Variants in BABAM2 observed in about 807,000 individuals in gnomAD.
BABAM2 encodes the protein BRISC and BRCA1 A complex member 2, also known as BRISC and BRCA1-A complex member 2.
In BABAM2, 31 loss-of-function variants were observed where a neutral mutation model predicts 54.7. The observed-to-expected ratio is 0.57, with a 90% confidence interval of 0.43 to 0.77. The LOEUF (loss-of-function observed/expected upper bound fraction) is 0.77. BABAM2 is among the 30% of genes least tolerant of loss of function. The pLI is 0.00. For synonymous variants in BABAM2, 167 were observed against 162.9 expected (o/e 1.03, Z -0.19); for missense variants, 364 against 455.8 (o/e 0.80, Z 1.83).
chr2:28,017,578 T>C (rs1426966079), intron 4 of BABAM2, among the ~76,000 whole-genome samples: 1 of 152,210 alleles, frequency 6.6e-6, no homozygotes, highest in East Asian at 1.9e-4. Context: ...GTTGTTTCAG[T>C]ATATCCACAG....
At chr2:27,972,423 A>G (rs938923711) in intron 3 of BABAM2, among the ~76,000 whole-genome samples, 3 of 152,212 alleles carry the variant, frequency 2.0e-5, no homozygotes, top group African/African-American at 7.2e-5. Flanking sequence ...CAGGGAGGAC[A>G]TTTTACATGG....
rs35506654 is a variant in BABAM2 at position 28,115,182 on chromosome 2, A to AACACACAC, written c.571-14053_571-14046dup. Among the ~76,000 whole-genome samples the AACACACAC allele has an allele frequency of 4.0e-3, 566 of 142,334 alleles. 4 individuals carry two copies. The highest frequency in any genetic ancestry group is 5.4e-3 in the African/African-American group (209 of 38,584). 93.4% of individuals were successfully genotyped at this position (142,334 alleles called of 152,430 possible). A position where few individuals can be genotyped will look rare whatever the true frequency, so the allele number is the denominator to read the frequency against. On this transcript the variant is annotated intron_variant, in intron 6 of 11. Transcript: ENST00000379624. ...ATAACACATATGTAAATAACTTTAA[A>AACACACAC]ACACACACACACACACACACACACA...
intron 7 of BABAM2, among the ~76,000 whole-genome samples, chr2:28,219,516 C>G (rs1275052374): frequency 6.6e-6 from 1 of 152,126 alleles, no homozygotes; most frequent in African/African-American, 2.4e-5. Flanking sequence ...TCACCAAAGT[C>G]CCTTTAGCCA....
At chr2:28,146,903 C>T (rs182691023) in intron 7 of BABAM2, among the ~76,000 whole-genome samples, 1 of 152,266 alleles carries the variant, frequency 6.6e-6, no homozygotes, top group Non-Finnish European at 1.5e-5. Context: ...GAAGGGAGTA[C>T]TGAAACTAAG....
At chr2:28,236,921 C>T (rs1558461132) in intron 7 of BABAM2, among the ~76,000 whole-genome samples, 1 of 152,166 alleles carries the variant, frequency 6.6e-6, no homozygotes. Context: ...GTAATACTTA[C>T]AGCCCATTAA....
Position 28,304,895 on chromosome 2 carries a change from C to G in BABAM2, c.1088+6404C>G, listed in dbSNP as rs922062462. On this transcript the variant is annotated intron_variant, in intron 11 of 11. Coordinates refer to ENST00000379624, the MANE Select transcript of BABAM2 (RefSeq NM_199191.3). This position sits in a 1 kb window ranked among gnomAD's most constrained non-coding sequence, Gnocchi z 4.0. ...ATTTCACCATGTGGCCCAGGCTGGT[C>G]TTGAACTCCTGAGCTCAGGCAATCC... Among the ~76,000 whole-genome samples the G allele has an allele frequency of 6.7e-6, 1 of 149,494 alleles. No homozygotes were observed. The highest frequency in any genetic ancestry group is 2.4e-5 in the African/African-American group (1 of 41,230).
chr2:28,133,460 A>G (rs1037110307), intron 7 of BABAM2, among the ~76,000 whole-genome samples: 1 of 152,182 alleles, frequency 6.6e-6, no homozygotes, highest in African/African-American at 2.4e-5. Context: ...GGTTTCTGCT[A>G]TGGCTCTTTC....
intron 6 of BABAM2, among the ~76,000 whole-genome samples, chr2:28,118,046 T>G (rs1668756907): frequency 6.6e-6 from 1 of 152,216 alleles, no homozygotes; most frequent in Non-Finnish European, 1.5e-5. Context: ...CTTGTTGGGC[T>G]CTTGGATTAA....
At chr2:27,901,054 A>C (rs1665762410) in intron 2 of BABAM2, among the ~76,000 whole-genome samples, 1 of 151,728 alleles carries the variant, frequency 6.6e-6, no homozygotes, top group Non-Finnish European at 1.5e-5. Context: ...AAAAAAAAAA[A>C]AAAAAAAAGG....
At chr2:27,898,065 A>G (rs1211223005) in intron 2 of BABAM2, among the ~76,000 whole-genome samples, 1 of 152,204 alleles carries the variant, frequency 6.6e-6, no homozygotes, top group East Asian at 1.9e-4. Flanking sequence ...TCTGAGAATA[A>G]AAAGATTTTC....
intron 3 of BABAM2, among the ~76,000 whole-genome samples, chr2:27,953,245 A>G (rs1057121355): frequency 1.3e-5 from 2 of 152,128 alleles, no homozygotes; most frequent in Admixed American, 6.5e-5. Context: ...CAGTGTTACA[A>G]TCATGGCTTA....
intron 4 of BABAM2, among the ~76,000 whole-genome samples, chr2:28,009,740 T>C (rs530907726): frequency 1.1e-4 from 16 of 152,180 alleles, no homozygotes; most frequent in Non-Finnish European, 2.1e-4. Context: ...GAAACAATAA[T>C]CATTGTGTAT....
intron 8 of BABAM2, among the ~76,000 whole-genome samples, chr2:28,239,869 A>G (rs1212297862): frequency 6.6e-6 from 1 of 152,218 alleles, no homozygotes; most frequent in Admixed American, 6.5e-5. Flanking sequence ...TCCATAGACT[A>G]TTCACTGTGG....
intron 11 of BABAM2, among the ~76,000 whole-genome samples, chr2:28,327,891 G>A (rs1045697979): frequency 2.0e-5 from 3 of 152,180 alleles, no homozygotes; most frequent in African/African-American, 7.2e-5. Flanking sequence ...AGGGGTTGGC[G>A]CATTTAGCAA....
intron 2 of BABAM2, among the ~76,000 whole-genome samples, chr2:27,911,765 A>G (rs1017283621): frequency 1.3e-5 from 2 of 151,974 alleles, no homozygotes; most frequent in Non-Finnish European, 2.9e-5. Flanking sequence ...TCCTAACTAG[A>G]CTCTTCATAA....
At chr2:28,050,003 A>G (rs982304609) in intron 6 of BABAM2, among the ~76,000 whole-genome samples, 1 of 152,190 alleles carries the variant, frequency 6.6e-6, no homozygotes, top group African/African-American at 2.4e-5. Context: ...ACTGAAAAGG[A>G]GTGAATCTGA....
chr2:28,293,871 A>C (rs536041306), intron 10 of BABAM2, among the ~76,000 whole-genome samples: 121 of 152,232 alleles, frequency 7.9e-4, no homozygotes, highest in African/African-American at 2.8e-3. Context: ...AAAAATTAAA[A>C]ATTTAAAAAA....
intron 6 of BABAM2, among the ~76,000 whole-genome samples, chr2:28,101,492 C>T (rs1021860645): frequency 6.6e-6 from 1 of 152,140 alleles, no homozygotes; most frequent in Non-Finnish European, 1.5e-5. Flanking sequence ...CTGCCTAGTT[C>T]TCTGCACCCA....
At chr2:28,088,818 C>G (rs923366356) in intron 6 of BABAM2, among the ~76,000 whole-genome samples, 1 of 152,124 alleles carries the variant, frequency 6.6e-6, no homozygotes, top group African/African-American at 2.4e-5. Flanking sequence ...TCTGGAAAAG[C>G]AATCTCTATA....
Sources: gnomAD v4.1 joint callset for allele counts (sites outside exome capture counted in the v4.1 genomes callset) on GRCh38, gnomAD v4.1.1 for gene constraint, Gnocchi (gnomAD v3.1) non-coding constraint, MANE v1.5 for transcripts, NCBI Gene and HGNC (gene_info 2026-07-23, HGNC 2026-07-21) for gene names.